Variants in AEBP2 observed in about 807,000 individuals in gnomAD.
The protein encoded by AEBP2 is zinc finger protein AEBP2.
AEBP2 carries 10 observed loss-of-function variants against 50.8 expected under a neutral mutation model. The ratio of observed to expected loss-of-function variants is 0.20; its 90% CI spans 0.12 to 0.33. The LOEUF (loss-of-function observed/expected upper bound fraction) is 0.33, where lower values mean the gene tolerates loss of function less well. AEBP2 is among the 10% of genes least tolerant of loss of function. The pLI is 1.00. For synonymous variants in AEBP2, 296 were observed against 261.3 expected (o/e 1.13, Z -1.28); for missense variants, 570 against 688.0 (o/e 0.83, Z 1.92).
intron 1 of AEBP2, among the ~76,000 whole-genome samples, chr12:19,419,592 A>T (rs2914999): frequency 0.16 from 24,485 of 150,344 alleles, 3,498 homozygotes; most frequent in African/African-American, 0.39. Flanking sequence ...CCGTCTCAAA[A>T]AATAATAATA....
At chr12:19,445,356 G>T (rs939911913) in intron 1 of AEBP2, among the ~76,000 whole-genome samples, 26 of 149,700 alleles carry the variant, frequency 1.7e-4, no homozygotes, top group African/African-American at 6.4e-4. Context: ...ATGCCACCGT[G>T]CCCTGCTCGT....
intron 5 of AEBP2, among the ~76,000 whole-genome samples, chr12:19,506,580 G>A (rs2120560581): frequency 6.6e-6 from 1 of 152,278 alleles, no homozygotes; most frequent in Non-Finnish European, 1.5e-5. Context: ...AAGTTTTCTG[G>A]TGTAGCTTTG....
At chr12:19,433,785 AGAGT>A (rs1369027507) in intron 1 of AEBP2, among the ~76,000 whole-genome samples, 1 of 151,926 alleles carries the variant, frequency 6.6e-6, no homozygotes, top group Non-Finnish European at 1.5e-5. Flanking sequence ...CCTGGGTGAA[AGAGT>A]GAAACTCCGT....
intron 1 of AEBP2, among the ~76,000 whole-genome samples, chr12:19,454,466 A>C (rs778312576): frequency 4.6e-5 from 7 of 152,206 alleles, no homozygotes; most frequent in Admixed American, 4.6e-4. Flanking sequence ...ATTTGCAAGC[A>C]TGATTTTATG....
intron 1 of AEBP2, among the ~76,000 whole-genome samples, chr12:19,452,134 G>A (rs1253406750): frequency 2.0e-5 from 3 of 151,976 alleles, no homozygotes; most frequent in Non-Finnish European, 2.9e-5. Context: ...CAAGTGATCC[G>A]CCCACCTCAG....
At chr12:19,484,588 T>A (rs968020698) in intron 3 of AEBP2, among the ~76,000 whole-genome samples, 2 of 152,088 alleles carry the variant, frequency 1.3e-5, no homozygotes, top group Non-Finnish European at 2.9e-5. Flanking sequence ...TTGGCCAGGA[T>A]GGTCTCGATC....
intron 1 of AEBP2, among the ~76,000 whole-genome samples, chr12:19,427,267 C>T (rs965037974): frequency 1.3e-5 from 2 of 151,232 alleles, no homozygotes; most frequent in African/African-American, 4.9e-5. Context: ...GCCCCAGCTA[C>T]TCTGGAAGCT....
intron 1 of AEBP2, among the ~76,000 whole-genome samples, chr12:19,410,365 C>A (rs1022312208): frequency 6.6e-6 from 1 of 152,172 alleles, no homozygotes; most frequent in African/African-American, 2.4e-5. Context: ...ACACCTCCTG[C>A]CACTTCATTA....
At chr12:19,446,644 A>G (rs1331836285) in intron 1 of AEBP2, among the ~76,000 whole-genome samples, 1 of 151,708 alleles carries the variant, frequency 6.6e-6, no homozygotes, top group Non-Finnish European at 1.5e-5. Flanking sequence ...AGGCAGGAGA[A>G]CGGCGTGAAC....
chr12:19,495,128 C>T (rs1163789665), intron 4 of AEBP2, among the ~76,000 whole-genome samples: 2 of 152,094 alleles, frequency 1.3e-5, no homozygotes, highest in African/African-American at 4.8e-5. Context: ...TGGTCTTGAA[C>T]TCCTGACCTC....
chr12:19,443,720 C>G (rs752092386), intron 1 of AEBP2, among the ~76,000 whole-genome samples: 8 of 151,832 alleles, frequency 5.3e-5, no homozygotes, highest in Non-Finnish European at 1.2e-4. Flanking sequence ...AAGACTCCAT[C>G]TCAAAAAAAG....
intron 1 of AEBP2, among the ~76,000 whole-genome samples, chr12:19,419,417 G>A (rs997155570): frequency 1.1e-4 from 17 of 151,788 alleles, no homozygotes; most frequent in Non-Finnish European, 2.1e-4. Context: ...GTGAAACCCC[G>A]TCTCTACTAA....
Position 19,439,589 on chromosome 12 carries a change from T to G in AEBP2, c.-111T>G, listed in dbSNP as rs1225106720. The G allele has an allele frequency of 1.0e-5, 14 of 1,389,956 alleles. No individual in the cohort carries two copies. The highest frequency in any genetic ancestry group is 2.3e-5 in the Admixed American group (1 of 43,184). 86.1% of individuals were successfully genotyped at this position (1,389,956 alleles called of 1,614,324 possible). ...CAGCTCGCGGGCCCTCCTCCTGCTC[T>G]GCAGCGGCGTCGGCGGAGTTTTGGG... On this transcript the variant is annotated 5_prime_UTR_variant, in exon 1 of 8. Coordinates refer to ENST00000266508, the MANE Select transcript of AEBP2 (RefSeq NM_153207.5).
At chr12:19,460,582 G>T (rs1408468143) in intron 1 of AEBP2, among the ~76,000 whole-genome samples, 1 of 151,724 alleles carries the variant, frequency 6.6e-6, no homozygotes, top group Non-Finnish European at 1.5e-5. Flanking sequence ...TTGAACTCCT[G>T]ACCTTGTGAT....
chr12:19,510,035 G>A (rs1404352031), intron 5 of AEBP2, among the ~76,000 whole-genome samples: 1 of 151,964 alleles, frequency 6.6e-6, no homozygotes, highest in Non-Finnish European at 1.5e-5. Context: ...GTTTCACCAT[G>A]TTGGCCAGGC....
At chr12:19,440,579 C>G (rs1031470474) in intron 1 of AEBP2, 91 of 1,444,524 alleles carry the variant, frequency 6.3e-5, no homozygotes, top group Non-Finnish European at 7.1e-5. Flanking sequence ...CCGTTCCCCC[C>G]CAACTCTCCT....
At chr12:19,512,339 A>C in intron 5 of AEBP2, 59 bp from the exon 6 acceptor site, 1 of 1,249,678 alleles carries the variant, frequency 8.0e-7, no homozygotes, top group Non-Finnish European at 1.1e-6. Context: ...TTTTTTAACA[A>C]TACATGAAAA....
chr12:19,447,801 T>A (rs771493924), intron 1 of AEBP2, among the ~76,000 whole-genome samples: 5 of 152,206 alleles, frequency 3.3e-5, no homozygotes, highest in Non-Finnish European at 7.3e-5. Flanking sequence ...TGTGGCAAAT[T>A]GTTTATTTCT....
At position 19,493,602 on chromosome 12, in the gene AEBP2, T is replaced by G. The variant is rs1049835718; in HGVS notation, c.988-198T>G. ...CGTGAAACTTGTTGCATTTTCAAGC[T>G]TTGTCTAATGTATGTCATCTTACTT... On this transcript the variant is annotated intron_variant, in intron 3 of 7. Coordinates refer to ENST00000266508, the MANE Select transcript of AEBP2 (RefSeq NM_153207.5). Among the ~76,000 whole-genome samples, 89 of 152,168 alleles carry G rather than the reference T, an allele frequency of 5.8e-4. 1 individual carries two copies. The highest frequency in any genetic ancestry group is 2.8e-4 in the Non-Finnish European group (19 of 68,034).
Sources: gnomAD v4.1 joint callset for allele counts (sites outside exome capture counted in the v4.1 genomes callset) on GRCh38, gnomAD v4.1.1 for gene constraint, MANE v1.5 for transcripts, NCBI Gene and HGNC (gene_info 2026-07-23, HGNC 2026-07-21) for gene names.